Variants in ACOXL observed in about 807,000 individuals in gnomAD.
ACOXL encodes the protein acyl-coenzyme A oxidase-like protein.
Under a neutral mutation model 71.9 loss-of-function variants are expected in ACOXL, and 70 were observed. That is an observed-to-expected ratio of 0.97 (90% CI 0.80 to 1.19). The LOEUF (loss-of-function observed/expected upper bound fraction) is 1.19, where lower values mean the gene tolerates loss of function less well. Among genes scored for constraint, ACOXL ranks in the 50% most tolerant of loss-of-function variants. The probability of loss-of-function intolerance (pLI) is 0.00; values close to 1 mark genes in which losing one functional copy is unlikely to be tolerated. For synonymous variants in ACOXL, 253 were observed against 281.6 expected (o/e 0.90, Z 1.02); for missense variants, 703 against 736.3 (o/e 0.95, Z 0.52).
At chr2:110,741,505 C>T (rs970149827) in intron 1 of ACOXL, among the ~76,000 whole-genome samples, 1 of 152,198 alleles carries the variant, frequency 6.6e-6, no homozygotes, top group Non-Finnish European at 1.5e-5. Context: ...GCTTGTAACA[C>T]ACAGTGAGTG....
At chr2:110,931,515 G>T (rs913722784) in intron 11 of ACOXL, among the ~76,000 whole-genome samples, 9 of 152,154 alleles carry the variant, frequency 5.9e-5, no homozygotes, top group African/African-American at 2.2e-4. Flanking sequence ...GACTTCCTTA[G>T]GGCACTGACA....
chr2:110,947,836 A>C (rs111280445), intron 12 of ACOXL, among the ~76,000 whole-genome samples: 2 of 152,198 alleles, frequency 1.3e-5, no homozygotes, highest in Non-Finnish European at 2.9e-5. Context: ...TTGGCCCTGC[A>C]CAACCACATT....
chr2:111,031,587 A>C (rs747418567), intron 14 of ACOXL, 40 bp from the exon 15 acceptor site: 3 of 1,576,852 alleles, frequency 1.9e-6, no homozygotes, highest in Non-Finnish European at 1.7e-6. Flanking sequence ...ACTCTCTCAC[A>C]ATATCCTCAA....
chr2:110,866,589 G>A (rs1694612867), intron 10 of ACOXL, among the ~76,000 whole-genome samples: 1 of 152,060 alleles, frequency 6.6e-6, no homozygotes, highest in South Asian at 2.1e-4. Flanking sequence ...TTGGAAGAGG[G>A]GAAATACAGG....
chr2:110,752,587 C>T (rs1679143434), intron 1 of ACOXL, among the ~76,000 whole-genome samples: 2 of 151,380 alleles, frequency 1.3e-5, no homozygotes, highest in African/African-American at 4.9e-5. Context: ...TTTTCCTTGG[C>T]TTGGGTGTGG....
chr2:110,883,202 T>G (rs1364674995), intron 10 of ACOXL, among the ~76,000 whole-genome samples: 1 of 150,248 alleles, frequency 6.7e-6, no homozygotes, highest in Non-Finnish European at 1.5e-5. Context: ...CTCCACTTCC[T>G]GGGTTCAAGC....
rs149097972 is a variant in ACOXL at position 110,896,893 on chromosome 2, A to G, written c.789-11896A>G. 3.5e-4 allele frequency among the ~76,000 whole-genome samples: 53 copies of G among 152,304 alleles called. No individual in the cohort carries two copies. The East Asian group carries it at 5.2e-3, about 15-fold the overall frequency. ...AGCCAATAGGATCTAATTGACATTT[A>G]TAGAACACTTCGTCCACCAAAAGTA... On this transcript the variant is annotated intron_variant, in intron 10 of 17. Transcript: ENST00000439055.
intron 12 of ACOXL, among the ~76,000 whole-genome samples, chr2:110,984,128 GC>G (rs2149537307): frequency 6.6e-6 from 1 of 152,268 alleles, no homozygotes; most frequent in African/African-American, 2.4e-5. Flanking sequence ...TTACAGGCGT[GC>G]ACCACTGCGC....
intron 1 of ACOXL, among the ~76,000 whole-genome samples, chr2:110,752,367 C>A (rs1275819499): frequency 3.9e-5 from 6 of 151,914 alleles, no homozygotes; most frequent in Non-Finnish European, 2.9e-5. Flanking sequence ...ACTTATAGTC[C>A]CAACTACTTG....
intron 7 of ACOXL, among the ~76,000 whole-genome samples, chr2:110,799,934 C>G (rs55780486): frequency 0.037 from 5,614 of 152,146 alleles, 134 homozygotes; most frequent in African/African-American, 0.055. Context: ...CTCTAAAATG[C>G]ACTAACCAGC....
intron 16 of ACOXL, among the ~76,000 whole-genome samples, chr2:111,067,806 A>G (rs1308477470): frequency 1.3e-5 from 2 of 152,266 alleles, no homozygotes; most frequent in East Asian, 1.9e-4. Context: ...AGCCTCTGTT[A>G]TATGCCAGGG....
At chr2:110,839,947 G>T (rs1690933723) in intron 9 of ACOXL, among the ~76,000 whole-genome samples, 1 of 152,208 alleles carries the variant, frequency 6.6e-6, no homozygotes, top group Non-Finnish European at 1.5e-5. Flanking sequence ...TTTGGCTACA[G>T]AAATGATATT....
chr2:110,733,291 G>A (rs1676419458), intron 1 of ACOXL, among the ~76,000 whole-genome samples: 1 of 152,026 alleles, frequency 6.6e-6, no homozygotes, highest in Non-Finnish European at 1.5e-5. Flanking sequence ...TGCGGAATGG[G>A]CAGCTTCAGC....
intron 9 of ACOXL, among the ~76,000 whole-genome samples, chr2:110,821,532 C>T (rs1016297357): frequency 3.9e-5 from 6 of 152,082 alleles, no homozygotes; most frequent in Non-Finnish European, 7.4e-5. Flanking sequence ...CCTTTGGGGC[C>T]GAGCAGGTGC....
intron 1 of ACOXL, among the ~76,000 whole-genome samples, chr2:110,757,973 A>G (rs951146127): frequency 6.6e-6 from 1 of 152,134 alleles, no homozygotes; most frequent in African/African-American, 2.4e-5. Context: ...GCCCATGCCT[A>G]TGTCCTGAAT....
At chr2:110,847,645 C>T (rs1317538170) in intron 10 of ACOXL, among the ~76,000 whole-genome samples, 1 of 152,198 alleles carries the variant, frequency 6.6e-6, no homozygotes, top group African/African-American at 2.4e-5. Flanking sequence ...ATTGGCTTCT[C>T]ACCTAAGAAA....
intron 17 of ACOXL, among the ~76,000 whole-genome samples, chr2:111,096,520 C>T (rs902946150): frequency 2.0e-5 from 3 of 152,070 alleles, no homozygotes; most frequent in African/African-American, 7.2e-5. Context: ...GGATTACAGG[C>T]AAAAATTTGT....
At chr2:111,105,429 A>G (rs1030621946) in intron 17 of ACOXL, among the ~76,000 whole-genome samples, 23 of 152,034 alleles carry the variant, frequency 1.5e-4, no homozygotes, top group Admixed American at 1.3e-4. Context: ...GAGAAATTTC[A>G]TCTTACTGTG....
At chr2:110,794,887 C>T (rs1200075410) in intron 5 of ACOXL, among the ~76,000 whole-genome samples, 1 of 152,046 alleles carries the variant, frequency 6.6e-6, no homozygotes, top group Admixed American at 6.6e-5. Context: ...ATAACATACC[C>T]TCGGGACGCT....
Sources: allele counts gnomAD v4.1 joint callset (sites outside exome capture counted in the v4.1 genomes callset), GRCh38; gene constraint gnomAD v4.1.1; transcripts MANE v1.5; gene names NCBI Gene and HGNC (gene_info 2026-07-23, HGNC 2026-07-21).